Variants in ATR observed in about 807,000 individuals in gnomAD.
ATR encodes ATR checkpoint kinase, also known as serine/threonine-protein kinase ATR.
Under a neutral mutation model 305.3 loss-of-function variants are expected in ATR, and 142 were observed. That is an observed-to-expected ratio of 0.47 (90% confidence interval 0.41 to 0.53). The LOEUF (loss-of-function observed/expected upper bound fraction) is 0.53. ATR is among the 20% of genes least tolerant of loss of function. The pLI, the probability that ATR is intolerant of heterozygous loss-of-function variation, is 0.00. For synonymous variants in ATR, 1,050 were observed against 1,068.1 expected (o/e 0.98, Z 0.33); for missense variants, 2,135 against 3,133.1 (o/e 0.68, Z 7.60).
At chr3:142,571,725 C>T (rs2035268863) in intron 1 of ATR, among the ~76,000 whole-genome samples, 1 of 152,090 alleles carries the variant, frequency 6.6e-6, no homozygotes, top group Admixed American at 6.5e-5. Context: ...TACATTTTCC[C>T]CACTTATTAT....
intron 36 of ATR, among the ~76,000 whole-genome samples, chr3:142,475,733 A>G (rs1195383925): frequency 2.0e-5 from 3 of 152,138 alleles, no homozygotes; most frequent in East Asian, 3.9e-4. Flanking sequence ...ACGTGTTCCT[A>G]TTTCTCCACA....
intron 38 of ATR, 101 bp from the exon 39 acceptor site, chr3:142,468,169 G>C: frequency 7.2e-7 from 1 of 1,389,988 alleles, no homozygotes; most frequent in Non-Finnish European, 9.9e-7. Flanking sequence ...TATTCATGAT[G>C]AGAGTTTATA....
At chr3:142,553,535 G>T in intron 12 of ATR, 105 bp downstream of exon 12, 1 of 1,445,890 alleles carries the variant, frequency 6.9e-7, no homozygotes, top group Non-Finnish European at 9.6e-7. Context: ...CTCACATTTT[G>T]TCTATAATAT....
intron 46 of ATR, chr3:142,451,160 G>C: frequency 8.2e-7 from 1 of 1,214,586 alleles, no homozygotes; most frequent in East Asian, 5.3e-5. Flanking sequence ...ATCCACTGAG[G>C]AATCTTCCAA....
intron 36 of ATR, among the ~76,000 whole-genome samples, chr3:142,481,003 T>C (rs2030412102): frequency 6.6e-6 from 1 of 152,226 alleles, no homozygotes; most frequent in Non-Finnish European, 1.5e-5. Context: ...TGCTTGGCTA[T>C]GAAAAGGAAT....
At chr3:142,535,706 A>C (rs1158002307) in intron 20 of ATR, among the ~76,000 whole-genome samples, 1 of 152,200 alleles carries the variant, frequency 6.6e-6, no homozygotes, top group South Asian at 2.1e-4. Flanking sequence ...TCTAAATCTC[A>C]GGAATCATTC....
intron 41 of ATR, among the ~76,000 whole-genome samples, chr3:142,464,770 A>G (rs957909661): frequency 2.0e-5 from 3 of 152,222 alleles, no homozygotes; most frequent in Admixed American, 6.5e-5. Flanking sequence ...GGGAAGATGA[A>G]AAAAGTTTTG....
chr3:142,449,940 TAAC>T lies in ATR; in HGVS notation c.7762-341_7762-339del, dbSNP rs571377574. 1,231 of 381,268 alleles carry T rather than the reference TAAC, an allele frequency of 3.2e-3. 2 individuals are homozygous for T. The highest frequency in any genetic ancestry group is 5.0e-3 in the Non-Finnish European group (1,020 of 202,774). 23.6% of individuals were successfully genotyped at this position (381,268 alleles called of 1,614,324 possible). A position where few individuals can be genotyped will look rare whatever the true frequency, so the allele number is the denominator to read the frequency against. On this transcript the variant is annotated intron_variant, in intron 46 of 46. Coordinates refer to ENST00000350721, the MANE Select transcript of ATR (RefSeq NM_001184.4). ...TTAAACATTTCAATGAATATTCAAA[TAAC>T]AATGCTGTACTGCCTAATATTTACA...
chr3:142,496,558 T>TGGTA (rs746681220), intron 33 of ATR, 38 bp from the exon 34 acceptor site: 35 of 1,587,766 alleles, frequency 2.2e-5, no homozygotes, highest in Non-Finnish European at 2.9e-5. Flanking sequence ...GAGAGACCAT[T>TGGTA]GGTAAGTGTA....
intron 21 of ATR, among the ~76,000 whole-genome samples, chr3:142,533,516 C>G (rs2033742006): frequency 6.6e-6 from 1 of 152,092 alleles, no homozygotes; most frequent in South Asian, 2.1e-4. Context: ...TATCTTCTTG[C>G]CACAGTTGGG....
rs1426228305 is a variant in ATR, at chr3:142,562,418, C to T, written c.984G>A (p.Met328Ile). ...LNMLLEKLCV[M>I]FEDGVLMRLK... ...GCCGCATGAGCACACCGTCTTCAAA[C>T]ATGACACAGAGTTTTTCCAGCAGCA... is the stretch of plus-strand genomic sequence containing the variant. The change falls in exon 4 of 47, where the codon ATG (methionine) becomes ATA (isoleucine). Residue 328 changes from methionine to isoleucine, a missense_variant. Physicochemically the swap from Met to Ile is conservative, Grantham distance 10. This residue lies in a region of ATR where 744 missense variants were observed against 873.2 expected (regional missense o/e 0.85). Coordinates refer to ENST00000350721, the MANE Select transcript of ATR (RefSeq NM_001184.4). 6 of 1,614,030 alleles carry T rather than the reference C, an allele frequency of 3.7e-6. No individual in the cohort carries two copies. Among genetic ancestry groups the T allele is most frequent in the Non-Finnish European group, 5.1e-6 (6 of 1,180,022 alleles).
intron 46 of ATR, chr3:142,452,867 T>C: frequency 1.1e-5 from 14 of 1,310,824 alleles, no homozygotes; most frequent in Non-Finnish European, 1.4e-5. Flanking sequence ...TCCTACTGTA[T>C]CTCATAACTG....
intron 26 of ATR, 53 bp downstream of exon 26, chr3:142,513,448 T>C: frequency 1.3e-6 from 2 of 1,586,892 alleles, no homozygotes; most frequent in Non-Finnish European, 8.6e-7. Flanking sequence ...CTAATTACAT[T>C]GGAGAAAGTA....
intron 13 of ATR, among the ~76,000 whole-genome samples, chr3:142,551,779 A>G (rs2034478981): frequency 6.6e-6 from 1 of 152,250 alleles, no homozygotes; most frequent in Admixed American, 6.5e-5. Flanking sequence ...TTTCATCACA[A>G]AAACACCAAA....
intron 16 of ATR, among the ~76,000 whole-genome samples, chr3:142,546,550 G>A (rs2034274851): frequency 6.6e-6 from 1 of 151,972 alleles, no homozygotes; most frequent in South Asian, 2.1e-4. Flanking sequence ...AAAGATCAAA[G>A]AAGATCATTA....
chr3:142,496,171 G>T (rs111896467), intron 34 of ATR, among the ~76,000 whole-genome samples, 190 bp downstream of exon 34: 1 of 150,538 alleles, frequency 6.6e-6, no homozygotes, highest in African/African-American at 2.4e-5. Flanking sequence ...ATTACTTCCA[G>T]GCTATGGTAG....
rs1464095818 is a variant in ATR, at chr3:142,512,367, AAC to A, written c.4743_4744del (p.Phe1582LeufsTer4). The stretch of plus-strand genomic sequence containing the variant: ...CTGTGTGAGATGGTCAAGCATGGAG[AAC>A]ACAGTCTGTGTACTGAGTTGACACA... On this transcript the variant is annotated frameshift_variant, in exon 27 of 47. Coordinates refer to ENST00000350721, the MANE Select transcript of ATR (RefSeq NM_001184.4). LOFTEE classifies it high-confidence loss of function. 1 of 1,613,524 alleles carries A rather than the reference AAC, an allele frequency of 6.2e-7. No homozygotes were observed. Among genetic ancestry groups the A allele is most frequent in the East Asian group, 2.2e-5 (1 of 44,894 alleles).
chr3:142,556,292 T>G, intron 9 of ATR, 91 bp downstream of exon 9: 1 of 1,500,478 alleles, frequency 6.7e-7, no homozygotes, highest in South Asian at 1.2e-5. Context: ...GCTTTACATA[T>G]TCAACAATAA....
At chr3:142,484,155 G>A (rs557209584) in intron 36 of ATR, among the ~76,000 whole-genome samples, 54 of 152,180 alleles carry the variant, frequency 3.5e-4, no homozygotes, top group African/African-American at 1.2e-3. Context: ...CCTAAGGGAG[G>A]ATTCTAATCT....
Sources: allele counts gnomAD v4.1 joint callset (sites outside exome capture counted in the v4.1 genomes callset), GRCh38; gene constraint gnomAD v4.1.1; regional missense constraint gnomAD v4.1.1; transcripts MANE v1.5; gene names NCBI Gene and HGNC (gene_info 2026-07-23, HGNC 2026-07-21).